The following GMEB1 variants were observed in gnomAD, a reference collection of about 807,000 sequenced individuals.
The protein encoded by GMEB1 is glucocorticoid modulatory element binding protein 1, also known as glucocorticoid modulatory element-binding protein 1.
GMEB1 carries 6 observed loss-of-function variants against 52.4 expected under a neutral mutation model. That is an observed-to-expected ratio of 0.11 (90% CI 0.06 to 0.23). The LOEUF (loss-of-function observed/expected upper bound fraction) is 0.23. GMEB1 is among the 10% of genes least tolerant of loss of function. The pLI is 1.00. For synonymous variants in GMEB1, 255 were observed against 244.9 expected, an observed-to-expected ratio of 1.04 and a Z score of -0.38; for missense variants, 486 against 685.6, an observed-to-expected ratio of 0.71 and a Z score of 3.25.
intron 6 of GMEB1, among the ~76,000 whole-genome samples, chr1:28,698,478 A>G (rs1385898399): frequency 2.0e-5 from 3 of 150,630 alleles, no homozygotes; most frequent in Non-Finnish European, 3.0e-5. Context: ...GATCGAGACT[A>G]TCCTGGTTAA....
intron 5 of GMEB1, among the ~76,000 whole-genome samples, chr1:28,694,518 GAAAA>G (rs35909571): frequency 7.1e-6 from 1 of 140,200 alleles, no homozygotes; most frequent in Non-Finnish European, 1.5e-5. Flanking sequence ...AAGAGCAATT[GAAAA>G]AAAAAAAAGC....
chr1:28,691,550 G>A, intron 3 of GMEB1, 35 bp from the exon 4 acceptor site: 1 of 1,452,948 alleles, frequency 6.9e-7, no homozygotes, highest in Non-Finnish European at 9.3e-7. Context: ...GGGAAGAGTT[G>A]TTTGATAAAT....
intron 6 of GMEB1, among the ~76,000 whole-genome samples, chr1:28,700,077 A>AG (rs1670421750): frequency 1.3e-5 from 2 of 151,362 alleles, no homozygotes; most frequent in Non-Finnish European, 2.9e-5. Flanking sequence ...AAAAAAAAAA[A>AG]AAAAGATCTT....
chr1:28,705,082 CAAAAAAAAAA>C (rs756423377), intron 8 of GMEB1, among the ~76,000 whole-genome samples: 2 of 49,238 alleles, frequency 4.1e-5, no homozygotes, highest in Non-Finnish European at 8.3e-5. Context: ...GACCTTGTCT[CAAAAAAAAAA>C]AAAAAAAAAA....
chr1:28,676,121 A>G (rs1437523211), intron 1 of GMEB1, among the ~76,000 whole-genome samples: 2 of 152,174 alleles, frequency 1.3e-5, no homozygotes, highest in Non-Finnish European at 2.9e-5. Flanking sequence ...GGTAAAGAGT[A>G]AAATGTGAGT....
At position 28,674,999 on chromosome 1, in the gene GMEB1, G is replaced by A. The variant is rs545005102; in HGVS notation, c.-31+6160G>A. ...CTCCCAAAGTGCTGGGATTACAGGCGTGAGCCACCGCGCCCGGCCTTTTTT... is the reference window on the plus strand; with the variant it reads ...CTCCCAAAGTGCTGGGATTACAGGCATGAGCCACCGCGCCCGGCCTTTTTT... On this transcript the variant is annotated intron_variant, in intron 1 of 9. Coordinates refer to ENST00000373816, the MANE Select transcript of GMEB1 (RefSeq NM_001319674.2). 4.2e-4 allele frequency among the ~76,000 whole-genome samples: 57 copies of A among 135,194 alleles called. No homozygotes were observed. In the South Asian group the frequency reaches 0.013, roughly 32 times the overall value. The allele number at this position is 135,194 out of a possible 152,430, so 88.7% of individuals were successfully genotyped here. A position where few individuals can be genotyped will look rare whatever the true frequency, so the allele number is the denominator to read the frequency against.
rs1570398846 is a variant in GMEB1, at chr1:28,687,374, ACAC to A, written c.129-2729_129-2727del. ...CACACACACACACACACACACACAC[ACAC>A]ACACACACACAAAAAAAGACAGTGG... On this transcript the variant is annotated intron_variant, in intron 2 of 9. Transcript: ENST00000373816. Among the ~76,000 whole-genome samples, 15 of 118,132 alleles carry A rather than the reference ACAC, an allele frequency of 1.3e-4. 2 individuals carry two copies. The highest frequency in any genetic ancestry group is 3.8e-4 in the African/African-American group (11 of 29,324). 77.5% of individuals were successfully genotyped at this position (118,132 alleles called of 152,430 possible). A position where few individuals can be genotyped will look rare whatever the true frequency, so the allele number is the denominator to read the frequency against.
intron 1 of GMEB1, among the ~76,000 whole-genome samples, chr1:28,678,465 G>A (rs938486364): frequency 1.2e-3 from 180 of 151,722 alleles, no homozygotes; most frequent in African/African-American, 4.2e-3. Context: ...GCCCGCCATC[G>A]CGCCTGGCTA....
intron 2 of GMEB1, among the ~76,000 whole-genome samples, chr1:28,687,332 TCTCACACACACACACACA>T (rs1669693493): frequency 5.2e-5 from 5 of 95,710 alleles, no homozygotes; most frequent in South Asian, 8.7e-4. Context: ...TGAGACCCTA[TCTCACACACACACACACA>T]CACACACACA....
intron 2 of GMEB1, 90 bp from the exon 3 acceptor site, chr1:28,690,014 G>A (rs1669876315): frequency 1.2e-5 from 10 of 811,476 alleles, no homozygotes; most frequent in Non-Finnish European, 6.0e-6. Context: ...TTTTGAGATA[G>A]TTTGAAACAA....
At chr1:28,672,001 C>G (rs1420125356) in intron 1 of GMEB1, among the ~76,000 whole-genome samples, 1 of 150,118 alleles carries the variant, frequency 6.7e-6, no homozygotes, top group Non-Finnish European at 1.5e-5. Context: ...GCTTGTAATC[C>G]CAGCTCCTTG....
intron 8 of GMEB1, among the ~76,000 whole-genome samples, chr1:28,704,802 T>A (rs545755195): frequency 6.6e-6 from 1 of 152,094 alleles, no homozygotes; most frequent in African/African-American, 2.4e-5. Context: ...GAGACAGGGT[T>A]TTGCCATGTT....
At chr1:28,705,694 G>T (rs1393301537) in intron 8 of GMEB1, among the ~76,000 whole-genome samples, 1 of 149,820 alleles carries the variant, frequency 6.7e-6, no homozygotes, top group Non-Finnish European at 1.5e-5. Context: ...TGGGTGATCC[G>T]CCCGCCTCGG....
At chr1:28,707,962 A>G (rs1469628855) in intron 8 of GMEB1, among the ~76,000 whole-genome samples, 1 of 151,726 alleles carries the variant, frequency 6.6e-6, no homozygotes, top group Non-Finnish European at 1.5e-5. Context: ...GCAGTGATGC[A>G]GTCACAGCTC....
intron 2 of GMEB1, among the ~76,000 whole-genome samples, chr1:28,688,474 T>C (rs749448978): frequency 6.6e-6 from 1 of 152,056 alleles, no homozygotes; most frequent in Non-Finnish European, 1.5e-5. Flanking sequence ...TTACAGAAAT[T>C]AAATAAAGGA....
chr1:28,689,871 A>C, intron 2 of GMEB1: 1 of 398,170 alleles, frequency 2.5e-6, no homozygotes, highest in Non-Finnish European at 4.4e-6. Context: ...AGTAGCAAAA[A>C]TTACTTTCCT....
chr1:28,689,728 G>T, intron 2 of GMEB1: 1 of 163,006 alleles, frequency 6.1e-6, no homozygotes, highest in East Asian at 1.7e-4. Context: ...ATGTCCTAGA[G>T]AAATATTGTA....
intron 1 of GMEB1, among the ~76,000 whole-genome samples, chr1:28,672,384 AT>A (rs947134012): frequency 1.2e-3 from 174 of 139,878 alleles, no homozygotes; most frequent in Non-Finnish European, 1.8e-3. Context: ...CTCCCAGCTA[AT>A]TTTTTTTTTT....
At chr1:28,688,711 C>G (rs191506372) in intron 2 of GMEB1, among the ~76,000 whole-genome samples, 1 of 151,780 alleles carries the variant, frequency 6.6e-6, no homozygotes, top group Non-Finnish European at 1.5e-5. Flanking sequence ...CAAACACCCC[C>G]CCACCACCCA....
Sources: gnomAD v4.1 joint callset for allele counts (sites outside exome capture counted in the v4.1 genomes callset) on GRCh38, gnomAD v4.1.1 for gene constraint, MANE v1.5 for transcripts, NCBI Gene and HGNC (gene_info 2026-07-23, HGNC 2026-07-21) for gene names.